UBE2G2: variants seen among roughly 807,000 people sequenced by gnomAD.
UBE2G2 encodes ubiquitin conjugating enzyme E2 G2.
A neutral mutation model predicts 23.0 loss-of-function variants in UBE2G2; 10 were observed. The ratio of observed to expected loss-of-function variants is 0.43; its 90% confidence interval spans 0.27 to 0.74. UBE2G2 has a LOEUF of 0.74. Ranked by LOEUF, UBE2G2 falls within the 30% of genes least tolerant of loss-of-function variation. The pLI is 0.19. For synonymous variants in UBE2G2, 86 were observed against 81.3 expected (o/e 1.06, Z -0.31); for missense variants, 150 against 218.3 (o/e 0.69, Z 1.97).
At chr21:44,797,587 C>T (rs372672270) in intron 1 of UBE2G2, among the ~76,000 whole-genome samples, 83 of 151,970 alleles carry the variant, frequency 5.5e-4, no homozygotes, top group African/African-American at 1.7e-3. Flanking sequence ...TGGTGGCGCG[C>T]GCCTGTAGTC....
chr21:44,781,216 T>C (rs1193425528), intron 3 of UBE2G2, among the ~76,000 whole-genome samples: 1 of 152,164 alleles, frequency 6.6e-6, no homozygotes, highest in Non-Finnish European at 1.5e-5. Flanking sequence ...CCAGCTGAGC[T>C]GGAGACGGGA....
intron 1 of UBE2G2, among the ~76,000 whole-genome samples, chr21:44,797,740 A>AAAAAGAG (rs781868771): frequency 1.7e-5 from 2 of 114,302 alleles, no homozygotes; most frequent in African/African-American, 3.2e-5. Context: ...AAAAAAAAAA[A>AAAAAGAG]AGAGAAAATA....
intron 4 of UBE2G2, chr21:44,774,845 C>T: frequency 2.5e-6 from 1 of 399,446 alleles, no homozygotes; most frequent in Non-Finnish European, 5.0e-6. Flanking sequence ...GCATCAAAAG[C>T]ACCTGTGTCC....
chr21:44,795,726 T>C (rs1307798411), intron 1 of UBE2G2, among the ~76,000 whole-genome samples: 3 of 150,568 alleles, frequency 2.0e-5, no homozygotes, highest in African/African-American at 7.4e-5. Flanking sequence ...GAACACTTAA[T>C]ACACTGCTAG....
intron 4 of UBE2G2, among the ~76,000 whole-genome samples, chr21:44,776,520 T>TA (rs1390262045): frequency 6.6e-6 from 1 of 152,178 alleles, no homozygotes; most frequent in Non-Finnish European, 1.5e-5. Flanking sequence ...TTAGATCATT[T>TA]AAAAAATCTA....
intron 1 of UBE2G2, among the ~76,000 whole-genome samples, chr21:44,797,534 G>A (rs2083101201): frequency 1.3e-5 from 2 of 151,930 alleles, no homozygotes; most frequent in African/African-American, 4.8e-5. Flanking sequence ...GGCTAACACG[G>A]TGAAACCCCG....
intron 3 of UBE2G2, among the ~76,000 whole-genome samples, chr21:44,780,780 G>C (rs1002155339): frequency 1.3e-5 from 2 of 152,252 alleles, no homozygotes; most frequent in African/African-American, 4.8e-5. Flanking sequence ...CTCAGCAACA[G>C]TGTGGGTCAC....
At chr21:44,792,366 C>G (rs1410894436) in intron 1 of UBE2G2, among the ~76,000 whole-genome samples, 1 of 152,036 alleles carries the variant, frequency 6.6e-6, no homozygotes, top group Non-Finnish European at 1.5e-5. Flanking sequence ...ACTTGTAATC[C>G]CCAAAGTGTT....
At position 44,788,102 on chromosome 21, in the gene UBE2G2, A is replaced by C. The variant is rs782670074; in HGVS notation, c.44-7T>G. ...GGAGGATTCAGTGTTAATTCTATAA[A>C]ATTAATAAGTAAAACCATTACCAAA... On this transcript the variant is annotated splice_polypyrimidine_tract_variant and splice_region_variant and intron_variant, in intron 1 of 5. Transcript: ENST00000345496. The C allele has an allele frequency of 3.8e-6, 6 of 1,598,974 alleles. No individual in the cohort carries two copies. The highest frequency in any genetic ancestry group is 5.1e-6 in the Non-Finnish European group (6 of 1,174,486).
chr21:44,798,006 A>G (rs2083107352), intron 1 of UBE2G2, among the ~76,000 whole-genome samples: 1 of 151,848 alleles, frequency 6.6e-6, no homozygotes, highest in Non-Finnish European at 1.5e-5. Flanking sequence ...GAAGACAGAA[A>G]AATCAGCCAG....
At chr21:44,776,949 G>A (rs928132913) in intron 4 of UBE2G2, 36 of 196,804 alleles carry the variant, frequency 1.8e-4, no homozygotes, top group Non-Finnish European at 3.2e-4. Flanking sequence ...AAAAACCCAG[G>A]TTAAGTCAAA....
chr21:44,779,273 T>C, intron 3 of UBE2G2: 1 of 403,664 alleles, frequency 2.5e-6, no homozygotes, highest in Non-Finnish European at 4.8e-6. Context: ...AGACAAGATT[T>C]TTCAATCTAA....
intron 3 of UBE2G2, among the ~76,000 whole-genome samples, chr21:44,779,371 T>TGG (rs375243003): frequency 0.018 from 1,377 of 75,346 alleles, 16 homozygotes; most frequent in African/African-American, 0.059. Flanking sequence ...GGAGCTGGGG[T>TGG]GGGGGGGGGG....
intron 3 of UBE2G2, among the ~76,000 whole-genome samples, chr21:44,785,486 T>C (rs1004215057): frequency 6.6e-6 from 1 of 152,248 alleles, no homozygotes; most frequent in Admixed American, 6.5e-5. Flanking sequence ...AGGCACTTAG[T>C]GTTTGTTGCT....
chr21:44,777,443 G>A (rs1884613063), intron 3 of UBE2G2, 26 bp from the exon 4 acceptor site: 1 of 1,600,532 alleles, frequency 6.2e-7, no homozygotes, highest in Non-Finnish European at 8.6e-7. Context: ...TACGTAGACT[G>A]AACTTCAAAG....
intron 1 of UBE2G2, 164 bp downstream of exon 1, chr21:44,801,542 A>C: frequency 4.4e-6 from 5 of 1,147,954 alleles, no homozygotes; most frequent in Non-Finnish European, 5.7e-6. Flanking sequence ...GAGAGTGGGC[A>C]GCGGGCGCAG....
At chr21:44,778,007 G>C (rs1222810591) in intron 3 of UBE2G2, among the ~76,000 whole-genome samples, 1 of 152,144 alleles carries the variant, frequency 6.6e-6, no homozygotes, top group Non-Finnish European at 1.5e-5. Flanking sequence ...TCAAGCAGCA[G>C]AACCTCTTGA....
intron 1 of UBE2G2, among the ~76,000 whole-genome samples, chr21:44,791,929 G>C (rs1405206837): frequency 1.3e-5 from 2 of 152,248 alleles, no homozygotes; most frequent in Admixed American, 1.3e-4. Context: ...GCCACTCCCT[G>C]TATCAGTGTG....
At position 44,770,747 on chromosome 21, in the gene UBE2G2, C is replaced by G. The variant is rs1042358759; in HGVS notation, c.*630G>C. ...GCAATAAATTTCTTTTCTATTTACC[C>G]CATTTCTTATTAATTCACACTTCAA... is the stretch of plus-strand genomic sequence containing the variant. On this transcript the variant is annotated 3_prime_UTR_variant, in exon 6 of 6. Transcript: ENST00000345496. 6.6e-6 allele frequency: 1 copy of G among 152,172 alleles called. No individual in the cohort carries two copies. Among genetic ancestry groups the G allele is most frequent in the Admixed American group, 6.5e-5 (1 of 15,280 alleles). The allele number at this position is 152,172 out of a possible 1,614,324, so 9.4% of individuals were successfully genotyped here. A position where few individuals can be genotyped will look rare whatever the true frequency, so the allele number is the denominator to read the frequency against.
Sources: allele counts gnomAD v4.1 joint callset (sites outside exome capture counted in the v4.1 genomes callset), GRCh38; gene constraint gnomAD v4.1.1; transcripts MANE v1.5; gene names NCBI Gene and HGNC (gene_info 2026-07-23, HGNC 2026-07-21).